Variants in LINGO2 observed in about 807,000 individuals in gnomAD.
LINGO2 encodes the protein leucine rich repeat and Ig domain containing 2, also known as leucine-rich repeat and immunoglobulin-like domain-containing nogo receptor-interacting protein 2.
In LINGO2, 14 loss-of-function variants were observed where a neutral mutation model predicts 30.6. The observed-to-expected ratio is 0.46, with a 90% CI of 0.30 to 0.72. The LOEUF is 0.72. Ranked by LOEUF, LINGO2 falls within the 30% of genes least tolerant of loss-of-function variation. The pLI, the probability that LINGO2 is intolerant of heterozygous loss-of-function variation, is 0.07. For missense variants in LINGO2, 729 were observed against 751.7 expected (o/e 0.97, Z 0.35); for synonymous variants, 317 against 288.5 (o/e 1.10, Z -1.00).
At chr9:28,695,492 C>A in the LINGO2 span, among the ~76,000 whole-genome samples, 2 of 151,720 alleles carry the variant, frequency 1.3e-5, no homozygotes, top group Non-Finnish European at 2.9e-5. Context: ...GAGAATGTAT[C>A]TTAAAGAAGT....
At chr9:28,687,715 A>G in the LINGO2 span, among the ~76,000 whole-genome samples, 2 of 152,160 alleles carry the variant, frequency 1.3e-5, no homozygotes, top group Admixed American at 1.3e-4. Flanking sequence ...CTCAAGCTCA[A>G]TAACAGTATG....
intron 2 of LINGO2, among the ~76,000 whole-genome samples, chr9:28,462,494 C>T (rs1825122579): frequency 6.7e-6 from 1 of 149,890 alleles, no homozygotes; most frequent in South Asian, 2.1e-4. Flanking sequence ...GGATCAAGCA[C>T]ACTTGGTCCA....
intron 4 of LINGO2, among the ~76,000 whole-genome samples, chr9:28,172,390 C>CAAA (rs11421802): frequency 2.5e-5 from 3 of 119,276 alleles, no homozygotes; most frequent in African/African-American, 9.0e-5. Flanking sequence ...GACTCCGTCT[C>CAAA]AAAAAAAAAA....
intron 1 of LINGO2, among the ~76,000 whole-genome samples, chr9:28,641,071 T>A (rs1167460664): frequency 6.6e-6 from 1 of 152,076 alleles, no homozygotes; most frequent in Non-Finnish European, 1.5e-5. Flanking sequence ...TCTCACTCTG[T>A]CGCCCAGGCT....
intron 2 of LINGO2, among the ~76,000 whole-genome samples, chr9:28,449,032 C>T (rs1199535722): frequency 7.3e-6 from 1 of 137,910 alleles, no homozygotes; most frequent in South Asian, 2.5e-4. Flanking sequence ...TATTCACATT[C>T]GTGTGTGTGT....
At chr9:28,124,587 T>C (rs972922144) in intron 4 of LINGO2, among the ~76,000 whole-genome samples, 11 of 152,356 alleles carry the variant, frequency 7.2e-5, no homozygotes, top group Admixed American at 5.9e-4. Flanking sequence ...GCACATATAA[T>C]TTTTTATTTA....
intron 4 of LINGO2, among the ~76,000 whole-genome samples, chr9:28,200,489 A>T (rs1010442009): frequency 6.6e-6 from 1 of 151,524 alleles, no homozygotes; most frequent in Non-Finnish European, 1.5e-5. Flanking sequence ...TAAAGCAGGT[A>T]TAGTTCTCTT....
At chr9:28,213,040 G>A (rs1332439025) in intron 4 of LINGO2, among the ~76,000 whole-genome samples, 3 of 151,438 alleles carry the variant, frequency 2.0e-5, no homozygotes, top group Non-Finnish European at 4.4e-5. Flanking sequence ...ATTTTTTCAT[G>A]GTCACTCTGA....
intron 5 of LINGO2, among the ~76,000 whole-genome samples, chr9:27,961,592 T>C (rs559154584): frequency 4.5e-4 from 68 of 152,308 alleles, no homozygotes; most frequent in African/African-American, 1.6e-3. Context: ...TTACACGTTA[T>C]CCGGAGAGCA....
chr9:28,864,241 G>C, the LINGO2 span, among the ~76,000 whole-genome samples: 4 of 152,104 alleles, frequency 2.6e-5, no homozygotes, highest in South Asian at 4.1e-4. Flanking sequence ...TAAAATAAAA[G>C]TTCAAAGGCA....
At chr9:28,881,355 C>G in the LINGO2 span, among the ~76,000 whole-genome samples, 4 of 152,038 alleles carry the variant, frequency 2.6e-5, no homozygotes, top group Admixed American at 2.6e-4. Context: ...AACCCCTGAC[C>G]TCAAGTGATC....
At chr9:28,399,323 G>A (rs1054691340) in intron 2 of LINGO2, among the ~76,000 whole-genome samples, 2 of 152,116 alleles carry the variant, frequency 1.3e-5, no homozygotes, top group Admixed American at 6.5e-5. Flanking sequence ...TAGGGAAATA[G>A]TAATGAATAT....
chr9:28,347,773 G>C (rs1334855525), intron 3 of LINGO2, among the ~76,000 whole-genome samples: 1 of 152,124 alleles, frequency 6.6e-6, no homozygotes, highest in African/African-American at 2.4e-5. Context: ...TAATTCCAAT[G>C]TGCATCCAAG....
At chr9:28,803,807 T>A in the LINGO2 span, among the ~76,000 whole-genome samples, 2 of 152,078 alleles carry the variant, frequency 1.3e-5, no homozygotes, top group African/African-American at 4.8e-5. Context: ...ATGATAAATG[T>A]AACCTGTGTT....
chr9:29,160,996 C>A, the LINGO2 span, among the ~76,000 whole-genome samples: 2 of 152,144 alleles, frequency 1.3e-5, no homozygotes, highest in Admixed American at 6.5e-5. Context: ...CTCGGGCTGG[C>A]GCCCAAAGAA....
intron 1 of LINGO2, among the ~76,000 whole-genome samples, chr9:28,562,920 C>T (rs553583999): frequency 6.6e-6 from 1 of 152,166 alleles, no homozygotes; most frequent in South Asian, 2.1e-4. Context: ...AATCTCGGCT[C>T]ACTGCAAACT....
At chr9:28,931,612 A>T in the LINGO2 span, among the ~76,000 whole-genome samples, 2 of 152,206 alleles carry the variant, frequency 1.3e-5, no homozygotes. Context: ...AAGTAAAGAA[A>T]AATCTCTTTT....
At chr9:28,792,337 C>T in the LINGO2 span, among the ~76,000 whole-genome samples, 9 of 151,892 alleles carry the variant, frequency 5.9e-5, no homozygotes, top group Non-Finnish European at 8.8e-5. Flanking sequence ...CATAAATCCC[C>T]GAATCGAAAT....
At chr9:28,436,918 A>AG (rs1430733586) in intron 2 of LINGO2, among the ~76,000 whole-genome samples, 4 of 152,114 alleles carry the variant, frequency 2.6e-5, no homozygotes, top group Non-Finnish European at 5.9e-5. Flanking sequence ...CTCTGTGGAG[A>AG]GGGTCATATG....
Sources: gnomAD v4.1 joint callset for allele counts (sites outside exome capture counted in the v4.1 genomes callset) on GRCh38, gnomAD v4.1.1 for gene constraint, MANE v1.5 for transcripts, NCBI Gene and HGNC (gene_info 2026-07-23, HGNC 2026-07-21) for gene names.